The following MAGI2 variants were observed in gnomAD, a reference collection of about 807,000 sequenced individuals.
The protein encoded by MAGI2 is membrane-associated guanylate kinase, WW and PDZ domain-containing protein 2.
In MAGI2, 35 loss-of-function variants were observed where a neutral mutation model predicts 133.3. The ratio of observed to expected loss-of-function variants is 0.26; its 90% CI spans 0.20 to 0.35. The LOEUF (loss-of-function observed/expected upper bound fraction) is 0.35, where lower values mean the gene tolerates loss of function less well. Ranked by LOEUF, MAGI2 falls within the 10% of genes least tolerant of loss-of-function variation. MAGI2 has a pLI of 1.00. For synonymous variants in MAGI2, 729 were observed against 710.6 expected, an observed-to-expected ratio of 1.03 and a Z score of -0.41; for missense variants, 1,636 against 1,863.4, an observed-to-expected ratio of 0.88 and a Z score of 2.25.
chr7:78,086,533 G>A (rs906925194), intron 20 of MAGI2, among the ~76,000 whole-genome samples: 3 of 150,406 alleles, frequency 2.0e-5, no homozygotes, highest in East Asian at 2.0e-4. Context: ...CACCGCACCC[G>A]GTCTCTTCTA....
At chr7:78,828,748 ACTCT>A (rs1563553736) in intron 2 of MAGI2, among the ~76,000 whole-genome samples, 1 of 152,060 alleles carries the variant, frequency 6.6e-6, no homozygotes, top group Non-Finnish European at 1.5e-5. Context: ...GTGTGTAGAA[ACTCT>A]CTGTACTATC....
chr7:78,096,718 T>C (rs989063307), intron 20 of MAGI2, among the ~76,000 whole-genome samples: 2 of 152,138 alleles, frequency 1.3e-5, no homozygotes, highest in Non-Finnish European at 1.5e-5. Context: ...ATTACTGCAG[T>C]AGAGTTGAGT....
At chr7:79,080,947 C>A (rs1246720962) in intron 1 of MAGI2, among the ~76,000 whole-genome samples, 1 of 152,110 alleles carries the variant, frequency 6.6e-6, no homozygotes, top group Non-Finnish European at 1.5e-5. Flanking sequence ...AGAAACTTTT[C>A]CAAACTGCAT....
At chr7:78,571,341 A>G (rs998387422) in intron 3 of MAGI2, among the ~76,000 whole-genome samples, 4 of 152,196 alleles carry the variant, frequency 2.6e-5, no homozygotes, top group African/African-American at 7.2e-5. Flanking sequence ...CTTGAATTCA[A>G]TGTAATACCC....
chr7:78,666,268 G>T (rs896423245), intron 2 of MAGI2, among the ~76,000 whole-genome samples: 2 of 151,740 alleles, frequency 1.3e-5, no homozygotes, highest in Non-Finnish European at 2.9e-5. Context: ...CGCAAATATG[G>T]GGTAGGAAAA....
intron 2 of MAGI2, among the ~76,000 whole-genome samples, chr7:78,860,811 C>T (rs1794092991): frequency 6.6e-6 from 1 of 152,198 alleles, no homozygotes; most frequent in Admixed American, 6.5e-5. Flanking sequence ...GTTTCTTCTG[C>T]CTTTTGTTCA....
chr7:78,742,913 C>T (rs920052437), intron 2 of MAGI2, among the ~76,000 whole-genome samples: 10 of 152,134 alleles, frequency 6.6e-5, no homozygotes, highest in African/African-American at 2.4e-4. Flanking sequence ...CCAAACTAAC[C>T]CATGTGGTCA....
chr7:78,342,664 T>A (rs1387227459), intron 9 of MAGI2, among the ~76,000 whole-genome samples: 1 of 152,104 alleles, frequency 6.6e-6, no homozygotes, highest in Non-Finnish European at 1.5e-5. Flanking sequence ...TTGCAGAGAC[T>A]TCGATGAAGC....
chr7:78,705,947 A>G (rs1415427621), intron 2 of MAGI2, among the ~76,000 whole-genome samples: 1 of 152,122 alleles, frequency 6.6e-6, no homozygotes, highest in African/African-American at 2.4e-5. Context: ...ACTGTCCATC[A>G]ATTTTCTCAA....
At chr7:78,373,040 C>T (rs145095284) in intron 6 of MAGI2, among the ~76,000 whole-genome samples, 31 of 152,212 alleles carry the variant, frequency 2.0e-4, no homozygotes, top group African/African-American at 7.0e-4. Context: ...CCAAGCTGAA[C>T]TCAAACTTCT....
At chr7:79,189,302 T>C (rs1343860470) in intron 1 of MAGI2, among the ~76,000 whole-genome samples, 4 of 144,202 alleles carry the variant, frequency 2.8e-5, no homozygotes, top group African/African-American at 5.5e-5. Flanking sequence ...ATGTTTGCCA[T>C]TTTTATAGGC....
chr7:78,653,690 G>C (rs1811822048), intron 2 of MAGI2, among the ~76,000 whole-genome samples: 1 of 151,470 alleles, frequency 6.6e-6, no homozygotes, highest in South Asian at 2.1e-4. Flanking sequence ...TGTAGTTGAT[G>C]GGTGCTGCAA....
At position 78,397,056 on chromosome 7, in the gene MAGI2, G is replaced by T. The variant is rs567486429; in HGVS notation, c.1046-27843C>A. Among the ~76,000 whole-genome samples the T allele has an allele frequency of 1.6e-3, 236 of 152,178 alleles. 1 individual carries two copies. Among genetic ancestry groups the T allele is most frequent in the African/African-American group, 5.2e-3 (217 of 41,542 alleles). ...TCTATAAAATGGATATAAAATGGTA[G>T]AAAGGGATGGAAATGGTTATTTTGA... On this transcript the variant is annotated intron_variant, in intron 6 of 21. Transcript: ENST00000354212.
chr7:78,608,999 T>A (rs2150904525), intron 3 of MAGI2, among the ~76,000 whole-genome samples: 1 of 152,272 alleles, frequency 6.6e-6, no homozygotes. Flanking sequence ...GTGTCAAAAC[T>A]GAAGAACTTG....
chr7:79,010,646 G>T (rs1001374729), intron 1 of MAGI2, among the ~76,000 whole-genome samples: 2 of 151,928 alleles, frequency 1.3e-5, no homozygotes, highest in African/African-American at 4.8e-5. Flanking sequence ...CAATCGTTTT[G>T]TTGAGCAGAG....
intron 1 of MAGI2, among the ~76,000 whole-genome samples, chr7:79,418,830 TACACACACACACAC>T (rs57172659): frequency 1.4e-4 from 20 of 137,940 alleles, no homozygotes; most frequent in South Asian, 7.1e-4. Context: ...CCAATACACA[TACACACACACACAC>T]ACACACACAC....
intron 1 of MAGI2, among the ~76,000 whole-genome samples, chr7:79,283,839 A>G (rs1835816517): frequency 1.3e-5 from 2 of 152,140 alleles, no homozygotes; most frequent in African/African-American, 4.8e-5. Flanking sequence ...GTGCTGCATA[A>G]TCAATTTTCA....
chr7:79,408,138 A>G (rs1402798719), intron 1 of MAGI2, among the ~76,000 whole-genome samples: 2 of 152,120 alleles, frequency 1.3e-5, no homozygotes, highest in Non-Finnish European at 2.9e-5. Context: ...CTACAGCTAA[A>G]TTTTATTACT....
intron 1 of MAGI2, among the ~76,000 whole-genome samples, chr7:79,090,832 T>C (rs181290955): frequency 2.3e-4 from 35 of 152,298 alleles, no homozygotes; most frequent in Admixed American, 9.2e-4. Context: ...AAAATTGTAT[T>C]GAAGGTGAAT....
Sources: allele counts gnomAD v4.1 joint callset (sites outside exome capture counted in the v4.1 genomes callset), GRCh38; gene constraint gnomAD v4.1.1; transcripts MANE v1.5; gene names NCBI Gene and HGNC (gene_info 2026-07-23, HGNC 2026-07-21).